The following NR3C2 variants were observed in gnomAD, a reference collection of about 807,000 sequenced individuals.
NR3C2 encodes nuclear receptor subfamily 3 group C member 2, also known as mineralocorticoid receptor.
A neutral mutation model predicts 86.4 loss-of-function variants in NR3C2; 15 were observed. The ratio of observed to expected loss-of-function variants is 0.17; its 90% CI spans 0.12 to 0.27. The LOEUF is 0.27. Among genes scored for constraint, NR3C2 ranks in the 10% least tolerant of loss-of-function variants. NR3C2 has a pLI of 1.00. For missense variants in NR3C2, 960 were observed against 1,195.6 expected (o/e 0.80, Z 2.91); for synonymous variants, 458 against 450.5 (o/e 1.02, Z -0.21).
chr4:148,166,532 C>A (rs2149780152), intron 4 of NR3C2, among the ~76,000 whole-genome samples: 1 of 152,262 alleles, frequency 6.6e-6, no homozygotes, highest in South Asian at 2.1e-4. Context: ...GCTGGCTGAA[C>A]AAATGCCTCT....
upstream of NR3C2, chr4:148,444,628 T>A (rs1311293144): frequency 1.0e-6 from 1 of 986,298 alleles, no homozygotes; most frequent in Non-Finnish European, 1.2e-6. Flanking sequence ...TATTGGCTGA[T>A]CGGCGGTGAG....
intron 2 of NR3C2, among the ~76,000 whole-genome samples, chr4:148,342,389 T>A (rs542189301): frequency 2.0e-5 from 3 of 152,284 alleles, no homozygotes; most frequent in Admixed American, 2.0e-4. Context: ...TATAGGAAAT[T>A]TGTAATGCGC....
At chr4:148,442,760 C>T (rs1176103039), upstream of NR3C2, 1 of 985,422 alleles carries the variant, frequency 1.0e-6, no homozygotes, top group Non-Finnish European at 1.2e-6. Context: ...GGGTGCCGGG[C>T]GGTGGCTACA....
chr4:148,087,408 T>A (rs1417810947), intron 8 of NR3C2, among the ~76,000 whole-genome samples: 1 of 152,246 alleles, frequency 6.6e-6, no homozygotes, highest in Non-Finnish European at 1.5e-5. Context: ...TCAAATTTCA[T>A]ATGGAACCAA....
intron 2 of NR3C2, among the ~76,000 whole-genome samples, chr4:148,366,795 A>T (rs1746165928): frequency 6.6e-6 from 1 of 152,170 alleles, no homozygotes. Context: ...CCAGGCAAGA[A>T]TCATAGCAGA....
At chr4:148,284,600 A>C (rs1188108444) in intron 2 of NR3C2, among the ~76,000 whole-genome samples, 1 of 152,210 alleles carries the variant, frequency 6.6e-6, no homozygotes, top group African/African-American at 2.4e-5. Context: ...TTTGCTGTCA[A>C]GAATCTCAGT....
Position 148,256,430 on chromosome 4 carries a change from T to C in NR3C2, c.1897+3548A>G, listed in dbSNP as rs551057559. ...TTGTTCATAGAGGATAGTAATAATCTAGTATTTTGGTGCTACTTTATAATT... is the reference window on the plus strand; with the variant it reads ...TTGTTCATAGAGGATAGTAATAATCCAGTATTTTGGTGCTACTTTATAATT... On this transcript the variant is annotated intron_variant, in intron 3 of 8. Coordinates refer to ENST00000358102, the MANE Select transcript of NR3C2 (RefSeq NM_000901.5). Among the ~76,000 whole-genome samples, 3 of 152,328 alleles carry C rather than the reference T, an allele frequency of 2.0e-5. No individual in the cohort carries two copies. In the East Asian group the frequency reaches 5.8e-4, roughly 29 times the overall value.
intron 6 of NR3C2, among the ~76,000 whole-genome samples, chr4:148,129,236 C>T (rs1237634345): frequency 2.0e-5 from 3 of 152,116 alleles, no homozygotes; most frequent in Non-Finnish European, 2.9e-5. Flanking sequence ...GATGAAGCTT[C>T]ATATTATGCT....
At chr4:148,341,385 A>G (rs1744741271) in intron 2 of NR3C2, among the ~76,000 whole-genome samples, 1 of 152,182 alleles carries the variant, frequency 6.6e-6, no homozygotes, top group African/African-American at 2.4e-5. Context: ...GTTCTCACTC[A>G]TATGTGGGAA....
intron 2 of NR3C2, among the ~76,000 whole-genome samples, chr4:148,293,616 A>T (rs1286800342): frequency 6.6e-6 from 1 of 152,174 alleles, no homozygotes; most frequent in Non-Finnish European, 1.5e-5. Flanking sequence ...GCTCTTCACT[A>T]TGAGACATTT....
intron 8 of NR3C2, among the ~76,000 whole-genome samples, chr4:148,097,317 C>T (rs989303243): frequency 6.6e-5 from 10 of 152,142 alleles, no homozygotes; most frequent in East Asian, 3.8e-4. Context: ...TATTCACAGT[C>T]GATCCTCGAT....
chr4:148,235,635 T>C (rs1012855472), intron 3 of NR3C2, among the ~76,000 whole-genome samples: 1 of 152,188 alleles, frequency 6.6e-6, no homozygotes, highest in African/African-American at 2.4e-5. Flanking sequence ...TCACCTACTA[T>C]AGGTGTACAG....
chr4:148,148,719 G>A (rs1213111284), intron 6 of NR3C2, among the ~76,000 whole-genome samples: 1 of 152,140 alleles, frequency 6.6e-6, no homozygotes, highest in Non-Finnish European at 1.5e-5. Context: ...TTCCTGACTA[G>A]ATCAACCTCT....
chr4:148,377,591 A>C (rs944117850), intron 2 of NR3C2, among the ~76,000 whole-genome samples: 4 of 152,186 alleles, frequency 2.6e-5, no homozygotes, highest in South Asian at 4.1e-4. Context: ...GATGCAAAGA[A>C]AAAAGGTTTT....
chr4:148,366,157 T>C (rs1380606859), intron 2 of NR3C2, among the ~76,000 whole-genome samples: 3 of 152,226 alleles, frequency 2.0e-5, no homozygotes, highest in Admixed American at 1.3e-4. Context: ...TGAAAATATA[T>C]AATGTTAGAC....
intron 2 of NR3C2, among the ~76,000 whole-genome samples, chr4:148,331,271 C>T (rs909094186): frequency 1.5e-5 from 2 of 137,570 alleles, no homozygotes; most frequent in Non-Finnish European, 3.1e-5. Flanking sequence ...AAAAAAGCAG[C>T]AGGTGGGATA....
chr4:148,322,211 C>T (rs1340660418), intron 2 of NR3C2, among the ~76,000 whole-genome samples: 1 of 149,406 alleles, frequency 6.7e-6, no homozygotes, highest in Non-Finnish European at 1.5e-5. Context: ...TTGGCCCCCA[C>T]TCTCTTCTGG....
intron 2 of NR3C2, among the ~76,000 whole-genome samples, chr4:148,409,269 G>A (rs1415268446): frequency 6.6e-6 from 1 of 152,038 alleles, no homozygotes; most frequent in Non-Finnish European, 1.5e-5. Flanking sequence ...AGGTTTTATT[G>A]TCTTAATTAT....
intron 2 of NR3C2, among the ~76,000 whole-genome samples, chr4:148,286,433 G>C (rs143019197): frequency 2.0e-5 from 3 of 152,268 alleles, no homozygotes; most frequent in Admixed American, 2.0e-4. Context: ...AATTCCCTGT[G>C]ATTCACTTCT....
Sources: gnomAD v4.1 joint callset for allele counts (sites outside exome capture counted in the v4.1 genomes callset) on GRCh38, gnomAD v4.1.1 for gene constraint, MANE v1.5 for transcripts, NCBI Gene and HGNC (gene_info 2026-07-23, HGNC 2026-07-21) for gene names.